The following COX4I1 variants were observed in gnomAD, a reference collection of about 807,000 sequenced individuals.
COX4I1 encodes cytochrome c oxidase subunit 4 isoform 1, mitochondrial.
In COX4I1, 18 loss-of-function variants were observed where a neutral mutation model predicts 21.7. The ratio of observed to expected loss-of-function variants is 0.83; its 90% CI spans 0.57 to 1.23. COX4I1 has a LOEUF of 1.23. Among genes scored for constraint, COX4I1 ranks in the 50% most tolerant of loss-of-function variants. The pLI, the probability that COX4I1 is intolerant of heterozygous loss-of-function variation, is 0.00. For synonymous variants in COX4I1, 100 were observed against 81.5 expected (o/e 1.23, Z -1.23); for missense variants, 238 against 220.7 (o/e 1.08, Z -0.50).
intron 2 of COX4I1, 120 bp downstream of exon 2, chr16:85,801,398 G>T (rs1236837218): frequency 6.8e-6 from 5 of 736,972 alleles, no homozygotes; most frequent in Non-Finnish European, 9.1e-6. Context: ...GGTCTTTAGG[G>T]GAGATATAAA....
At chr16:85,801,146 G>C in intron 1 of COX4I1, 59 bp from the exon 2 acceptor site, 1 of 1,436,236 alleles carries the variant, frequency 7.0e-7, no homozygotes, top group Non-Finnish European at 9.7e-7. Flanking sequence ...GCAAAAAGAA[G>C]ACTAATTCCT....
intron 4 of COX4I1, chr16:85,806,528 T>C: frequency 1.3e-6 from 1 of 749,114 alleles, no homozygotes; most frequent in Non-Finnish European, 2.3e-6. Context: ...TTTAGCTTAT[T>C]TTGTTGCTAA....
Position 85,801,230 on chromosome 16 carries a change from C to T in COX4I1, c.25C>T (p.Leu9=). The T allele has an allele frequency of 2.5e-6, 4 of 1,609,954 alleles. No homozygotes were observed. Among genetic ancestry groups the T allele is most frequent in the Non-Finnish European group, 3.4e-6 (4 of 1,176,494 alleles). Residue 9 remains leucine, a synonymous_variant, in exon 2 of 5, where the codon CTA becomes TTA. Transcript: ENST00000253452. Reference sequence around the variant, plus strand: ...AATGTTGGCTACCAGGGTATTTAGCCTAGTTGGCAAGCGAGCAATTTCCAC... The same window carrying T: ...AATGTTGGCTACCAGGGTATTTAGCTTAGTTGGCAAGCGAGCAATTTCCAC... The part of the protein sequence containing the change: MLATRVFS[L]VGKRAISTSV...
rs1906138865 is a variant in COX4I1, at chr16:85,805,736, A to G, written c.245A>G (p.Tyr82Cys). Residue 82 changes from tyrosine to cysteine, a missense_variant, in exon 4 of 5, where the codon TAT becomes TGT. Physicochemically the swap from Tyr to Cys is radical, Grantham distance 194. Transcript: ENST00000253452. ...TGGCTGTCCTCTCTGCCCCCAGTGT[A>G]TCGCATTAAGTTCAAGGAGAGCTTT... ...SLSMDEKVEL[Y>C]RIKFKESFAE... The G allele has an allele frequency of 6.2e-7, 1 of 1,614,104 alleles. No individual in the cohort carries two copies. The highest frequency in any genetic ancestry group is 8.5e-7 in the Non-Finnish European group (1 of 1,180,032).
Position 85,804,995 on chromosome 16 carries a change from C to T in COX4I1, c.132C>T (p.His44=), listed in dbSNP as rs776735855. 1 of 1,614,160 alleles carries T rather than the reference C, an allele frequency of 6.2e-7. No individual in the cohort carries two copies. Among genetic ancestry groups the T allele is most frequent in the South Asian group, 1.1e-5 (1 of 91,082 alleles). Reference sequence around the variant, plus strand: ...CAGCTTATATGGATCGGCGTGACCACCCCTTGCCGGAGGTGGCCCATGTCA... The same window carrying T: ...CAGCTTATATGGATCGGCGTGACCATCCCTTGCCGGAGGTGGCCCATGTCA... ...SLPAYMDRRD[H]PLPEVAHVKH... Residue 44 remains histidine, a synonymous_variant, in exon 3 of 5, where the codon CAC becomes CAT. Transcript: ENST00000253452.
intron 1 of COX4I1, 77 bp from the exon 2 acceptor site, chr16:85,801,128 G>A: frequency 1.6e-6 from 2 of 1,285,892 alleles, no homozygotes; most frequent in Non-Finnish European, 2.2e-6. Flanking sequence ...ATTCCAAAAT[G>A]CTCTGGGGCA....
chr16:85,801,339 G>T (rs1597215179), intron 2 of COX4I1, 61 bp downstream of exon 2: 3 of 1,453,926 alleles, frequency 2.1e-6, no homozygotes, highest in Non-Finnish European at 1.9e-6. Context: ...CTCCTGCTGT[G>T]TATAAAGCCC....
intron 4 of COX4I1, 33 bp downstream of exon 4, chr16:85,805,897 G>A (rs754208296): frequency 6.2e-7 from 1 of 1,613,188 alleles, no homozygotes; most frequent in Non-Finnish European, 8.5e-7. Context: ...ATGGGCGCCT[G>A]GACTGGGGCT....
At chr16:85,802,538 T>C (rs1905848470) in intron 2 of COX4I1, among the ~76,000 whole-genome samples, 1 of 37,074 alleles carries the variant, frequency 2.7e-5, no homozygotes, top group African/African-American at 7.8e-5. Flanking sequence ...GAATAATACA[T>C]GAATGTGTTC....
intron 1 of COX4I1, among the ~76,000 whole-genome samples, chr16:85,800,717 G>A (rs1348336495): frequency 3.3e-5 from 5 of 152,156 alleles, no homozygotes; most frequent in Admixed American, 2.0e-4. Context: ...TCTACCTCCC[G>A]GGTTCAAGCG....
At chr16:85,800,974 G>A (rs1905691880) in intron 1 of COX4I1, among the ~76,000 whole-genome samples, 2 of 152,134 alleles carry the variant, frequency 1.3e-5, no homozygotes, top group African/African-American at 4.8e-5. Flanking sequence ...CCTGAAGCGC[G>A]TATATATTAT....
At chr16:85,801,399 G>A (rs759198348) in intron 2 of COX4I1, 121 bp downstream of exon 2, 2 of 726,630 alleles carry the variant, frequency 2.8e-6, no homozygotes, top group Non-Finnish European at 4.6e-6. Context: ...GTCTTTAGGG[G>A]AGATATAAAT....
chr16:85,802,650 T>TAC (rs1567841445), intron 2 of COX4I1, among the ~76,000 whole-genome samples: 9 of 152,104 alleles, frequency 5.9e-5, no homozygotes, highest in African/African-American at 2.2e-4. Context: ...TGCCCAGATA[T>TAC]ACCAGATCTC....
At chr16:85,804,776 C>A in intron 2 of COX4I1, 161 bp from the exon 3 acceptor site, 1 of 616,354 alleles carries the variant, frequency 1.6e-6, no homozygotes, top group Non-Finnish European at 2.7e-6. Flanking sequence ...GTTCCCCCTC[C>A]ACCACACTCC....
chr16:85,801,618 C>T lies in COX4I1; in HGVS notation c.73+340C>T, dbSNP rs570274783. Among the ~76,000 whole-genome samples, 46 of 152,240 alleles carry T rather than the reference C, an allele frequency of 3.0e-4. No homozygotes were observed. The South Asian group carries it at 8.7e-3, about 29-fold the overall frequency. On this transcript the variant is annotated intron_variant, in intron 2 of 4. Coordinates refer to ENST00000253452, the MANE Select transcript of COX4I1 (RefSeq NM_001861.6). The stretch of plus-strand genomic sequence containing the variant: ...CCTCCCCACCTTGCCCCCACAACTC[C>T]CAACCATTTGCATCACCTCTGTTTA...
chr16:85,804,841 C>T (rs552381537), intron 2 of COX4I1, 96 bp from the exon 3 acceptor site: 41 of 1,079,446 alleles, frequency 3.8e-5, no homozygotes, highest in African/African-American at 3.8e-4. Context: ...GGTTTCAAGG[C>T]GTGCACATGT....
chr16:85,800,152 T>C (rs1286015561), intron 1 of COX4I1, among the ~76,000 whole-genome samples: 2 of 152,222 alleles, frequency 1.3e-5, no homozygotes, highest in African/African-American at 2.4e-5. Context: ...GCGCTCGGCT[T>C]TCCAGCCTGG....
chr16:85,806,117 A>G (rs2152084473), intron 4 of COX4I1: 1 of 593,836 alleles, frequency 1.7e-6, no homozygotes, highest in Non-Finnish European at 3.0e-6. Context: ...TACTTTGTAC[A>G]GCACACCACG....
intron 1 of COX4I1, among the ~76,000 whole-genome samples, chr16:85,800,182 C>T (rs902535603): frequency 2.6e-5 from 4 of 152,276 alleles, no homozygotes; most frequent in East Asian, 1.9e-4. Context: ...ATTGTTTGCT[C>T]ACGCAAGGGC....
Sources: allele counts gnomAD v4.1 joint callset (sites outside exome capture counted in the v4.1 genomes callset), GRCh38; gene constraint gnomAD v4.1.1; transcripts MANE v1.5; gene names NCBI Gene and HGNC (gene_info 2026-07-23, HGNC 2026-07-21).